Variants in DDX59 observed in about 807,000 individuals in gnomAD.
The protein encoded by DDX59 is DEAD-box helicase 59.
A neutral mutation model predicts 51.9 loss-of-function variants in DDX59; 30 were observed. The observed-to-expected ratio is 0.58, with a 90% confidence interval of 0.43 to 0.78. The LOEUF is 0.78. Among genes scored for constraint, DDX59 ranks in the 30% least tolerant of loss-of-function variants. The pLI is 0.00. For synonymous variants in DDX59, 255 were observed against 253.3 expected (o/e 1.01, Z -0.06); for missense variants, 672 against 730.8 (o/e 0.92, Z 0.93).
intron 2 of DDX59, among the ~76,000 whole-genome samples, chr1:200,665,254 G>A (rs1032358821): frequency 2.0e-5 from 3 of 152,008 alleles, no homozygotes; most frequent in South Asian, 2.1e-4. Context: ...TCAGGAGTTC[G>A]AGACCAGCCT....
intron 3 of DDX59, 78 bp downstream of exon 3, chr1:200,663,841 C>A (rs937965641): frequency 2.1e-5 from 27 of 1,305,008 alleles, no homozygotes; most frequent in Non-Finnish European, 2.7e-5. Context: ...TTTAAAAATT[C>A]TTCAAGGGGA....
intron 6 of DDX59, 93 bp from the exon 7 acceptor site, chr1:200,648,660 C>A (rs1661454421): frequency 1.4e-6 from 2 of 1,383,602 alleles, no homozygotes; most frequent in Non-Finnish European, 9.7e-7. Flanking sequence ...ATGCTTACTT[C>A]AATATTTTTA....
At chr1:200,654,581 T>C (rs999278211) in intron 4 of DDX59, 2 of 151,942 alleles carry the variant, frequency 1.3e-5, no homozygotes, top group Non-Finnish European at 2.9e-5. Flanking sequence ...GCAAACACTG[T>C]GCTAAGAAAA....
Position 200,644,354 on chromosome 1 carries a change from T to C in DDX59, c.1760A>G (p.Lys587Arg). The C allele has an allele frequency of 6.2e-7, 1 of 1,613,968 alleles. No individual in the cohort carries two copies. Among genetic ancestry groups the C allele is most frequent in the Non-Finnish European group, 8.5e-7 (1 of 1,179,948 alleles). Residue 587 changes from lysine to arginine, a missense_variant, in exon 8 of 8, where the codon AAG (lysine) becomes AGG (arginine). Physicochemically the swap from Lys to Arg is conservative, Grantham distance 26. Transcript: ENST00000331314. ...NSPYLHDQKR[K>R]EQQKDKQTQN... ...TGTCTGTTTATCTTTCTGTTGTTCC[T>C]TTCTCTTCTGGTCATGAAGGTATGG...
chr1:200,663,889 T>C (rs904018202), intron 3 of DDX59, 30 bp downstream of exon 3: 8 of 1,509,458 alleles, frequency 5.3e-6, no homozygotes, highest in Non-Finnish European at 7.1e-6. Flanking sequence ...ACAAAACTTT[T>C]CAAAGACATT....
intron 7 of DDX59, 118 bp downstream of exon 7, chr1:200,648,321 A>C (rs1440380803): frequency 7.3e-7 from 1 of 1,367,752 alleles, no homozygotes; most frequent in Non-Finnish European, 1.0e-6. Context: ...TGCTGGGATT[A>C]CAGGTGTGAG....
Position 200,649,062 on chromosome 1 carries a change from T to C in DDX59, c.1467+12A>G, listed in dbSNP as rs1219844571. The C allele has an allele frequency of 1.3e-6, 2 of 1,546,764 alleles. No homozygotes were observed. The highest frequency in any genetic ancestry group is 2.3e-5 in the Admixed American group (1 of 44,284). ...TTATAGAAAACAGAATATAGAATAT[T>C]GGGTGTCAAACCTTCAATATGTTTT... is the stretch of plus-strand genomic sequence containing the variant. On this transcript the variant is annotated intron_variant, in intron 6 of 7. Coordinates refer to ENST00000331314, the MANE Select transcript of DDX59 (RefSeq NM_001031725.6).
chr1:200,667,537 C>T (rs1388082817), intron 1 of DDX59, among the ~76,000 whole-genome samples: 2 of 152,176 alleles, frequency 1.3e-5, no homozygotes, highest in African/African-American at 4.8e-5. Context: ...GCACACTGCT[C>T]AACATAGCCT....
At chr1:200,642,623 A>C (rs532547547), downstream of DDX59, among the ~76,000 whole-genome samples, 1 of 152,368 alleles carries the variant, frequency 6.6e-6, no homozygotes, top group Non-Finnish European at 1.5e-5. Context: ...AATGAGAAGC[A>C]GAAGTCAAGA....
rs561662485 is a variant in DDX59, at chr1:200,652,088, G to A, written c.1063-1412C>T. On this transcript the variant is annotated intron_variant, in intron 4 of 7. Transcript: ENST00000331314. ...GGTGTCTATAATTTGGGAACAATGA[G>A]GTATTTAATTCTTTTTTTTCCCCCT... Among the ~76,000 whole-genome samples, 169 of 152,080 alleles carry A rather than the reference G, an allele frequency of 1.1e-3. 2 individuals are homozygous for A. Among genetic ancestry groups the A allele is most frequent in the African/African-American group, 3.8e-3 (159 of 41,492 alleles).
intron 7 of DDX59, 113 bp from the exon 8 acceptor site, chr1:200,644,630 T>C (rs929521682): frequency 9.9e-6 from 13 of 1,308,400 alleles, no homozygotes; most frequent in Non-Finnish European, 1.3e-5. Flanking sequence ...GTGCAGTGGC[T>C]CACGCCTGTA....
chr1:200,663,993 G>T lies in DDX59; in HGVS notation c.898C>A (p.Arg300Ser). Residue 300 changes from arginine (R) to serine (S), a missense_variant, in exon 3 of 8, where the codon CGC (arginine) becomes AGC (serine). By Grantham distance (110) the Arg-to-Ser change is moderately radical. Coordinates refer to ENST00000331314, the MANE Select transcript of DDX59 (RefSeq NM_001031725.6). ...CCTACAAGAAGCACAGTTTTCATGC[G>T]TGGCAGGCCACTCATCAATTCTTTA... ...QAKELMSGLP[R>S]MKTVLLVGGL... The T allele has an allele frequency of 6.2e-7, 1 of 1,614,180 alleles. No individual in the cohort carries two copies. Among genetic ancestry groups the T allele is most frequent in the Non-Finnish European group, 8.5e-7 (1 of 1,180,030 alleles).
chr1:200,659,539 T>C (rs902172744), intron 3 of DDX59, among the ~76,000 whole-genome samples: 4 of 152,210 alleles, frequency 2.6e-5, no homozygotes, highest in Non-Finnish European at 4.4e-5. Context: ...AGGAAGGACC[T>C]TGTAGGCAGT....
chr1:200,669,747 A>G lies in DDX59; in HGVS notation c.-12+20T>C, dbSNP rs1413412757. ...GGGCACCAGGGCGGCCAGGGGCCCA[A>G]GCTTCCGGGGCACGCTCACCCGCGC... is the stretch of plus-strand genomic sequence containing the variant. On this transcript the variant is annotated intron_variant, in intron 1 of 7. Coordinates refer to ENST00000331314, the MANE Select transcript of DDX59 (RefSeq NM_001031725.6). The G allele has an allele frequency of 6.6e-6, 1 of 152,438 alleles. No homozygotes were observed. The highest frequency in any genetic ancestry group is 1.5e-5 in the Non-Finnish European group (1 of 68,252). The allele number at this position is 152,438 out of a possible 1,614,324, so 9.4% of individuals were successfully genotyped here.
At position 200,644,057 on chromosome 1, in the gene DDX59, C is replaced by G. The variant is rs574953909; in HGVS notation, c.*197G>C. ...CTTCATCCAGAAAAGAAAACACTGT[C>G]TTTTATTTAATAATTCATTTTCTGA... On this transcript the variant is annotated 3_prime_UTR_variant, in exon 8 of 8. Coordinates refer to ENST00000331314, the MANE Select transcript of DDX59 (RefSeq NM_001031725.6). The G allele has an allele frequency of 1.9e-6, 1 of 529,212 alleles. No homozygotes were observed. The highest frequency in any genetic ancestry group is 2.5e-6 in the Non-Finnish European group (1 of 402,200). The allele number at this position is 529,212 out of a possible 1,614,324, so 32.8% of individuals were successfully genotyped here.
chr1:200,654,427 A>C (rs1661882481), intron 4 of DDX59: 1 of 152,150 alleles, frequency 6.6e-6, no homozygotes, highest in Non-Finnish European at 1.5e-5. Context: ...GGGGAAAAAA[A>C]ACAAAAGGAT....
intron 7 of DDX59, 127 bp from the exon 8 acceptor site, chr1:200,644,644 C>G: frequency 3.4e-6 from 4 of 1,174,232 alleles, no homozygotes; most frequent in Non-Finnish European, 3.4e-6. Context: ...GCCTGTAACC[C>G]CAGCACTTTG....
At chr1:200,641,084 G>A (rs1157786013), downstream of DDX59, 1 of 1,011,774 alleles carries the variant, frequency 9.9e-7, no homozygotes, top group African/African-American at 1.7e-5. Context: ...TCCGGAGTCA[G>A]TTTACTGGTG....
intron 3 of DDX59, among the ~76,000 whole-genome samples, chr1:200,662,541 A>G (rs1662442343): frequency 1.3e-5 from 2 of 152,202 alleles, no homozygotes; most frequent in South Asian, 4.1e-4. Flanking sequence ...CTGTAGTCCC[A>G]GCTACTCTGG....
Sources: gnomAD v4.1 joint callset for allele counts (sites outside exome capture counted in the v4.1 genomes callset) on GRCh38, gnomAD v4.1.1 for gene constraint, MANE v1.5 for transcripts, NCBI Gene and HGNC (gene_info 2026-07-23, HGNC 2026-07-21) for gene names.